ATXN2: variants seen among roughly 807,000 people sequenced by gnomAD.
ATXN2 encodes the protein ataxin 2.
In ATXN2, 37 loss-of-function variants were observed where a neutral mutation model predicts 138.6. The ratio of observed to expected loss-of-function variants is 0.27; its 90% CI spans 0.21 to 0.35. The LOEUF is 0.35. Among genes scored for constraint, ATXN2 ranks in the 10% least tolerant of loss-of-function variants. The pLI is 1.00. For missense variants in ATXN2, 1,216 were observed against 1,480.3 expected, an observed-to-expected ratio of 0.82 and a Z score of 2.93; for synonymous variants, 549 against 543.7, an observed-to-expected ratio of 1.01 and a Z score of -0.13.
chr12:111,555,614 A>G (rs1424214615), intron 2 of ATXN2, among the ~76,000 whole-genome samples: 4 of 152,184 alleles, frequency 2.6e-5, no homozygotes, highest in African/African-American at 9.7e-5. Flanking sequence ...GCAGAGCATG[A>G]GTCAATTAAA....
At chr12:111,548,586 AG>A (rs1207312126) in intron 5 of ATXN2, among the ~76,000 whole-genome samples, 2 of 152,238 alleles carry the variant, frequency 1.3e-5, no homozygotes, top group Admixed American at 6.5e-5. Flanking sequence ...ATGTCATATT[AG>A]TATACTCTAA....
At chr12:111,510,229 T>C (rs891839360) in intron 12 of ATXN2, among the ~76,000 whole-genome samples, 156 bp downstream of exon 12, 2 of 152,210 alleles carry the variant, frequency 1.3e-5, no homozygotes, top group Non-Finnish European at 2.9e-5. Context: ...AAATTAGTAG[T>C]ATTAAACAAC....
At chr12:111,521,713 G>A (rs972833939) in intron 6 of ATXN2, among the ~76,000 whole-genome samples, 10 of 152,142 alleles carry the variant, frequency 6.6e-5, no homozygotes, top group Non-Finnish European at 1.2e-4. Flanking sequence ...ACAATTCTAC[G>A]AGGAAACTAT....
rs150603227 is a variant in ATXN2, at chr12:111,480,732, G to A, written c.2524+4533C>T. Among the ~76,000 whole-genome samples the A allele has an allele frequency of 1.1e-3, 160 of 152,164 alleles. 2 individuals carry two copies. The highest frequency in any genetic ancestry group is 3.3e-3 in the African/African-American group (137 of 41,530). On this transcript the variant is annotated intron_variant, in intron 18 of 24. Coordinates refer to ENST00000673436, the MANE Select transcript of ATXN2 (RefSeq NM_001372574.1). ...TTTCAACAAATGAGGTGGGGACAAC[G>A]GATATCCACAAGCAAAAGGAAAAAC...
intron 22 of ATXN2, 45 bp downstream of exon 22, chr12:111,457,169 T>G (rs1216319171): frequency 1.3e-6 from 2 of 1,578,082 alleles, no homozygotes; most frequent in East Asian, 2.2e-5. Flanking sequence ...ACTCAGATAC[T>G]AGGATAAAGA....
At chr12:111,493,389 C>CA (rs2135708269) in intron 14 of ATXN2, among the ~76,000 whole-genome samples, 1 of 125,386 alleles carries the variant, frequency 8.0e-6, no homozygotes, top group African/African-American at 3.3e-5. Flanking sequence ...CACTGCACTC[C>CA]AGGCTGGTAA....
chr12:111,534,744 A>T (rs1822667057), intron 5 of ATXN2, among the ~76,000 whole-genome samples: 1 of 152,198 alleles, frequency 6.6e-6, no homozygotes, highest in Non-Finnish European at 1.5e-5. Context: ...GAGCTAGGAC[A>T]TCACTAGCTC....
At chr12:111,556,688 C>T (rs1232627188) in intron 1 of ATXN2, among the ~76,000 whole-genome samples, 3 of 151,770 alleles carry the variant, frequency 2.0e-5, no homozygotes, top group East Asian at 1.9e-4. Context: ...TGGTGGCATG[C>T]GCCTGTAGTC....
At chr12:111,462,975 T>TACAC (rs778035022) in intron 21 of ATXN2, among the ~76,000 whole-genome samples, 3,424 of 145,742 alleles carry the variant, frequency 0.023, 106 homozygotes, top group East Asian at 0.2. Context: ...TATATATATA[T>TACAC]ATACACACAC....
In ATXN2 at chr12:111,454,664, CTG is replaced by C. The variant is rs752955449; in HGVS notation, c.3271-821_3271-820del. On this transcript the variant is annotated intron_variant, in intron 23 of 24. Coordinates refer to ENST00000673436, the MANE Select transcript of ATXN2 (RefSeq NM_001372574.1). ...GAGCCCTTGTTTCCTTTTTCCCACACTGTGCACTGTTCTAGACTACGATAAGC... is the reference window on the plus strand; with the variant it reads ...GAGCCCTTGTTTCCTTTTTCCCACACTGCACTGTTCTAGACTACGATAAGC... 6.1e-4 allele frequency: 118 copies of C among 192,766 alleles called. 1 individual carries two copies. The highest frequency in any genetic ancestry group is 3.0e-3 in the Admixed American group (55 of 18,324). 11.9% of individuals were successfully genotyped at this position (192,766 alleles called of 1,614,324 possible).
intron 1 of ATXN2, among the ~76,000 whole-genome samples, chr12:111,572,969 A>G (rs1458656121): frequency 6.6e-6 from 1 of 152,150 alleles, no homozygotes; most frequent in Non-Finnish European, 1.5e-5. Context: ...TATGAGTAAC[A>G]ACAGACTATC....
chr12:111,555,742 G>A (rs1270284318), intron 2 of ATXN2, 141 bp downstream of exon 2: 7 of 642,306 alleles, frequency 1.1e-5, no homozygotes, highest in East Asian at 6.0e-5. Flanking sequence ...ACACATATAG[G>A]CTAATAACAT....
At chr12:111,533,548 T>C (rs1366877526) in intron 5 of ATXN2, among the ~76,000 whole-genome samples, 2 of 152,164 alleles carry the variant, frequency 1.3e-5, no homozygotes, top group South Asian at 2.1e-4. Context: ...TTTTTTCTTT[T>C]CTTCTCACAC....
chr12:111,555,970 G>T, intron 1 of ATXN2, 51 bp from the exon 2 acceptor site: 1 of 1,364,534 alleles, frequency 7.3e-7, no homozygotes, highest in Non-Finnish European at 1.0e-6. Flanking sequence ...TAAATAAGCT[G>T]AAAAATATTT....
chr12:111,471,722 T>G (rs1339920682), intron 18 of ATXN2: 1 of 151,810 alleles, frequency 6.6e-6, no homozygotes, highest in Non-Finnish European at 1.5e-5. Flanking sequence ...TTTTATATTT[T>G]ATCTTGGATG....
intron 1 of ATXN2, among the ~76,000 whole-genome samples, chr12:111,596,373 TCA>T (rs35861967): frequency 3.3e-5 from 5 of 151,186 alleles, no homozygotes; most frequent in Middle Eastern, 3.4e-3. Context: ...GAAAAACTAT[TCA>T]CACACACACA....
At chr12:111,471,108 A>AT (rs1267957414) in intron 18 of ATXN2, 5 of 211,570 alleles carry the variant, frequency 2.4e-5, no homozygotes, top group African/African-American at 8.9e-5. Context: ...CGGGCACTGC[A>AT]TTCATTTTGA....
chr12:111,477,726 T>A (rs1876921247), intron 18 of ATXN2, among the ~76,000 whole-genome samples: 1 of 152,154 alleles, frequency 6.6e-6, no homozygotes, highest in Non-Finnish European at 1.5e-5. Flanking sequence ...AAGTAGTAAC[T>A]TTATTTTCAC....
rs2135742097 is a variant in ATXN2 at position 111,520,923 on chromosome 12, A to G, written c.747T>C (p.Tyr249=). The G allele has an allele frequency of 6.2e-7, 1 of 1,600,532 alleles. No individual in the cohort carries two copies. The highest frequency in any genetic ancestry group is 1.1e-5 in the South Asian group (1 of 89,128). Residue 249 remains tyrosine (Y), a synonymous_variant, in exon 7 of 25, where the codon TAT becomes TAC. Coordinates refer to ENST00000673436, the MANE Select transcript of ATXN2 (RefSeq NM_001372574.1). The stretch of plus-strand genomic sequence containing the variant: ...TGCTATCATACGTAGACACTACACC[A>G]TAATTTTCTTCATTATATCGAAACA... The part of the protein sequence containing the change: ...NDMFRYNEEN[Y]GVVSTYDSSL...
Sources: allele counts gnomAD v4.1 joint callset (sites outside exome capture counted in the v4.1 genomes callset), GRCh38; gene constraint gnomAD v4.1.1; transcripts MANE v1.5; gene names NCBI Gene and HGNC (gene_info 2026-07-23, HGNC 2026-07-21).